The following ATP2B2 variants were observed in gnomAD, a reference collection of about 807,000 sequenced individuals.
The protein encoded by ATP2B2 is ATPase plasma membrane Ca2+ transporting 2, also known as plasma membrane calcium-transporting ATPase 2.
A neutral mutation model predicts 120.0 loss-of-function variants in ATP2B2; 15 were observed. The observed-to-expected ratio is 0.12, with a 90% CI of 0.08 to 0.19. The LOEUF is 0.19. Ranked by LOEUF, ATP2B2 falls within the 10% of genes least tolerant of loss-of-function variation. The probability of loss-of-function intolerance (pLI) is 1.00; values close to 1 mark genes in which losing one functional copy is unlikely to be tolerated. For missense variants in ATP2B2, 1,045 were observed against 1,719.8 expected (o/e 0.61, Z 6.94); for synonymous variants, 694 against 700.3 (o/e 0.99, Z 0.14).
chr3:10,448,502 T>C (rs2063917600), intron 2 of ATP2B2, among the ~76,000 whole-genome samples: 1 of 152,172 alleles, frequency 6.6e-6, no homozygotes, highest in African/African-American at 2.4e-5. Context: ...CAAGCTGGGC[T>C]GACTTCCCTT....
At chr3:10,429,186 G>A (rs2125094050) in intron 2 of ATP2B2, among the ~76,000 whole-genome samples, 1 of 152,178 alleles carries the variant, frequency 6.6e-6, no homozygotes, top group East Asian at 1.9e-4. Flanking sequence ...GAGAGGCTCC[G>A]CTCTGTTATT....
chr3:10,699,214 G>C (rs375310776), intron 1 of ATP2B2, among the ~76,000 whole-genome samples: 103 of 152,270 alleles, frequency 6.8e-4, no homozygotes, highest in Admixed American at 1.2e-3. Flanking sequence ...TCCACTTCTA[G>C]GAATTCATCC....
intron 1 of ATP2B2, among the ~76,000 whole-genome samples, chr3:10,690,974 G>T (rs1393530963): frequency 1.3e-5 from 2 of 152,234 alleles, no homozygotes; most frequent in Admixed American, 1.3e-4. Flanking sequence ...AGTAGGTGCT[G>T]AACAAGTATT....
intron 3 of ATP2B2, among the ~76,000 whole-genome samples, chr3:10,514,840 T>C (rs892538603): frequency 1.3e-5 from 2 of 152,202 alleles, no homozygotes; most frequent in Non-Finnish European, 2.9e-5. Context: ...CCTGAAAGGC[T>C]GGGCCACCTC....
intron 1 of ATP2B2, among the ~76,000 whole-genome samples, chr3:10,641,538 T>C (rs2070171599): frequency 6.6e-6 from 1 of 152,272 alleles, no homozygotes. Flanking sequence ...TAGTTGTTAC[T>C]GTTGTTTTCA....
intron 1 of ATP2B2, among the ~76,000 whole-genome samples, chr3:10,457,565 TGTGTGA>T (rs1346013586): frequency 5.3e-5 from 2 of 37,588 alleles, no homozygotes; most frequent in Non-Finnish European, 1.1e-4. Context: ...TGCGTGTGTG[TGTGTGA>T]GAGAGAGAGA....
At chr3:10,576,385 T>A (rs927001147) in intron 2 of ATP2B2, among the ~76,000 whole-genome samples, 32 of 152,116 alleles carry the variant, frequency 2.1e-4, no homozygotes, top group Admixed American at 2.1e-3. Flanking sequence ...TTCTTATTAT[T>A]ATTGTTATTT....
At chr3:10,451,602 C>A (rs2064053723) in intron 1 of ATP2B2, among the ~76,000 whole-genome samples, 1 of 152,100 alleles carries the variant, frequency 6.6e-6, no homozygotes, top group South Asian at 2.1e-4. Context: ...CTCAGGGATG[C>A]AGTAGGAAGA....
chr3:10,623,737 C>T, intron 1 of ATP2B2, among the ~76,000 whole-genome samples: 1 of 152,174 alleles, frequency 6.6e-6, no homozygotes, highest in East Asian at 1.9e-4. Flanking sequence ...TCATTGGCTC[C>T]AGGAGCCCCA....
intron 2 of ATP2B2, among the ~76,000 whole-genome samples, chr3:10,581,529 T>A (rs1029512532): frequency 6.6e-6 from 1 of 152,174 alleles, no homozygotes; most frequent in South Asian, 2.1e-4. Context: ...AAATGATGTT[T>A]GTGGGCGATT....
intron 1 of ATP2B2, among the ~76,000 whole-genome samples, chr3:10,678,814 T>C (rs940876249): frequency 2.0e-5 from 3 of 152,220 alleles, no homozygotes; most frequent in Non-Finnish European, 4.4e-5. Flanking sequence ...ATGGTGTACA[T>C]ACCCTAAAAA....
chr3:10,535,411 G>A (rs2067293735), intron 2 of ATP2B2, among the ~76,000 whole-genome samples: 1 of 151,900 alleles, frequency 6.6e-6, no homozygotes, highest in Non-Finnish European at 1.5e-5. Context: ...GTGTGTGTGT[G>A]TGTGTGTAGC....
At chr3:10,504,713 G>A (rs938252887) in intron 1 of ATP2B2, among the ~76,000 whole-genome samples, 4 of 152,130 alleles carry the variant, frequency 2.6e-5, no homozygotes, top group Admixed American at 2.6e-4. Context: ...TGACCCTGCA[G>A]GGGGCAGGGA....
intron 2 of ATP2B2, among the ~76,000 whole-genome samples, chr3:10,607,383 T>C (rs989096474): frequency 1.3e-5 from 2 of 152,150 alleles, no homozygotes; most frequent in African/African-American, 4.8e-5. Context: ...AAACCATTGC[T>C]CCCTGACATT....
At chr3:10,616,211 T>C (rs1295459452) in intron 2 of ATP2B2, among the ~76,000 whole-genome samples, 2 of 152,202 alleles carry the variant, frequency 1.3e-5, no homozygotes, top group African/African-American at 2.4e-5. Flanking sequence ...AGAATGGGAC[T>C]ATATTTGGAT....
chr3:10,371,006 A>G (rs1332669660), intron 12 of ATP2B2, among the ~76,000 whole-genome samples: 1 of 152,226 alleles, frequency 6.6e-6, no homozygotes, highest in Non-Finnish European at 1.5e-5. Flanking sequence ...TATTACTACT[A>G]TTAGCAACAA....
intron 3 of ATP2B2, among the ~76,000 whole-genome samples, chr3:10,520,765 T>TC: frequency 6.6e-6 from 1 of 151,708 alleles, no homozygotes; most frequent in Middle Eastern, 3.4e-3. Flanking sequence ...CTCTTTTTTT[T>TC]TTTTTCTTTT....
chr3:10,643,277 G>C (rs1016462697), intron 1 of ATP2B2, among the ~76,000 whole-genome samples: 1 of 152,220 alleles, frequency 6.6e-6, no homozygotes, highest in Admixed American at 6.5e-5. Context: ...ATCCATGGGA[G>C]AGAACGGAGA....
At chr3:10,603,305 C>T (rs764274109) in intron 2 of ATP2B2, among the ~76,000 whole-genome samples, 29 of 152,232 alleles carry the variant, frequency 1.9e-4, no homozygotes, top group Non-Finnish European at 2.8e-4. Context: ...GCTCGATACA[C>T]GTCAGTTCTC....
Sources: allele counts gnomAD v4.1 joint callset (sites outside exome capture counted in the v4.1 genomes callset), GRCh38; gene constraint gnomAD v4.1.1; transcripts MANE v1.5; gene names NCBI Gene and HGNC (gene_info 2026-07-23, HGNC 2026-07-21).